FOXO1: variants seen among roughly 807,000 people sequenced by gnomAD.
FOXO1 encodes the protein forkhead box O1.
Under a neutral mutation model 44.1 loss-of-function variants are expected in FOXO1, and 6 were observed. The ratio of observed to expected loss-of-function variants is 0.14; its 90% CI spans 0.07 to 0.27. The LOEUF (loss-of-function observed/expected upper bound fraction) is 0.27, where lower values mean the gene tolerates loss of function less well. FOXO1 is among the 10% of genes least tolerant of loss of function. The pLI is 1.00. For synonymous variants in FOXO1, 380 were observed against 362.7 expected (o/e 1.05, Z -0.54); for missense variants, 737 against 888.8 (o/e 0.83, Z 2.17).
At chr13:40,631,591 T>C (rs1397981060) in intron 1 of FOXO1, among the ~76,000 whole-genome samples, 1 of 152,218 alleles carries the variant, frequency 6.6e-6, no homozygotes, top group Non-Finnish European at 1.5e-5. Flanking sequence ...CAAAATGTGA[T>C]ATATACATAG....
At chr13:40,649,137 C>T (rs1278476884) in intron 1 of FOXO1, among the ~76,000 whole-genome samples, 1 of 152,174 alleles carries the variant, frequency 6.6e-6, no homozygotes, top group African/African-American at 2.4e-5. Flanking sequence ...GCAAGCCACA[C>T]AGAAACAAGC....
chr13:40,611,744 C>A (rs1437944500), intron 1 of FOXO1, among the ~76,000 whole-genome samples: 1 of 152,204 alleles, frequency 6.6e-6, no homozygotes, highest in Non-Finnish European at 1.5e-5. Context: ...CCTCCCATCA[C>A]AGCTACAGTA....
intron 1 of FOXO1, among the ~76,000 whole-genome samples, chr13:40,574,349 G>C (rs761063991): frequency 6.6e-5 from 10 of 152,164 alleles, no homozygotes; most frequent in Non-Finnish European, 1.2e-4. Flanking sequence ...ATTACTGCGC[G>C]TGTGAATCTG....
intron 1 of FOXO1, among the ~76,000 whole-genome samples, chr13:40,597,054 C>A (rs772215629): frequency 5.9e-5 from 9 of 152,250 alleles, no homozygotes; most frequent in Non-Finnish European, 1.2e-4. Flanking sequence ...TCTCCCCAAG[C>A]ATGGTCTAAT....
chr13:40,578,745 G>A (rs775170488), intron 1 of FOXO1, among the ~76,000 whole-genome samples: 1 of 152,168 alleles, frequency 6.6e-6, no homozygotes, highest in Non-Finnish European at 1.5e-5. Flanking sequence ...AATTAAACAG[G>A]ATTCCTAACT....
At chr13:40,637,021 G>A (rs756367593) in intron 1 of FOXO1, among the ~76,000 whole-genome samples, 8 of 152,078 alleles carry the variant, frequency 5.3e-5, no homozygotes, top group Non-Finnish European at 1.0e-4. Context: ...TTACAAATGA[G>A]GAAACTGAGG....
At chr13:40,621,267 A>C in intron 1 of FOXO1, 1 of 801,994 alleles carries the variant, frequency 1.2e-6, no homozygotes, top group African/African-American at 1.8e-5. Flanking sequence ...TATTCATTGT[A>C]CTGACCGATG....
At chr13:40,584,469 C>CAA (rs55733141) in intron 1 of FOXO1, among the ~76,000 whole-genome samples, 1,316 of 62,930 alleles carry the variant, frequency 0.021, 177 homozygotes, top group Non-Finnish European at 0.028. Flanking sequence ...ACAAAAAATG[C>CAA]AAAAAAAAAA....
chr13:40,566,748 A>AT (rs1874284917), intron 1 of FOXO1, among the ~76,000 whole-genome samples: 2 of 152,210 alleles, frequency 1.3e-5, no homozygotes, highest in African/African-American at 4.8e-5. Context: ...TACACAATAT[A>AT]TTTAAAGTGT....
At chr13:40,564,987 ATGGTGTACT>A (rs1187125323) in intron 1 of FOXO1, among the ~76,000 whole-genome samples, 2 of 151,964 alleles carry the variant, frequency 1.3e-5, no homozygotes, top group Non-Finnish European at 2.9e-5. Context: ...GAACCCCGAC[ATGGTGTACT>A]TGCTTGTTCA....
intron 1 of FOXO1, among the ~76,000 whole-genome samples, chr13:40,660,791 A>C (rs79049186): frequency 6.6e-6 from 1 of 152,170 alleles, no homozygotes; most frequent in African/African-American, 2.4e-5. Flanking sequence ...CTTAAAAAAA[A>C]CTAGTCCATG....
At chr13:40,664,661 T>C (rs917331251) in intron 1 of FOXO1, among the ~76,000 whole-genome samples, 3 of 151,824 alleles carry the variant, frequency 2.0e-5, no homozygotes, top group Admixed American at 6.5e-5. Flanking sequence ...CAGGGCAGCC[T>C]CTGTGTTTCT....
At chr13:40,661,407 T>C (rs965440358) in intron 1 of FOXO1, among the ~76,000 whole-genome samples, 1 of 151,868 alleles carries the variant, frequency 6.6e-6, no homozygotes, top group Admixed American at 6.6e-5. Context: ...TCCCGAGTAG[T>C]TGGGATTATT....
chr13:40,571,026 T>C (rs2137837096), intron 1 of FOXO1, among the ~76,000 whole-genome samples: 1 of 152,320 alleles, frequency 6.6e-6, no homozygotes, highest in Non-Finnish European at 1.5e-5. Context: ...TATCTCACAC[T>C]GTCATACGCT....
At chr13:40,628,165 A>G (rs1258348854) in intron 1 of FOXO1, among the ~76,000 whole-genome samples, 1 of 152,148 alleles carries the variant, frequency 6.6e-6, no homozygotes, top group Non-Finnish European at 1.5e-5. Context: ...TACCACTTGA[A>G]AAAATTTCAA....
intron 1 of FOXO1, among the ~76,000 whole-genome samples, chr13:40,627,867 T>C (rs1427702840): frequency 6.6e-6 from 1 of 151,782 alleles, no homozygotes; most frequent in Non-Finnish European, 1.5e-5. Flanking sequence ...ACAGTAACTT[T>C]CCTGAATGTG....
chr13:40,618,789 C>T (rs2137899366), intron 1 of FOXO1: 1 of 517,848 alleles, frequency 1.9e-6, no homozygotes, highest in Middle Eastern at 4.7e-4. Context: ...AACCTTATCT[C>T]AAGACCGTAA....
chr13:40,638,255 C>A (rs1877225503), intron 1 of FOXO1, among the ~76,000 whole-genome samples: 1 of 152,024 alleles, frequency 6.6e-6, no homozygotes, highest in Non-Finnish European at 1.5e-5. Flanking sequence ...TAAAAGGATG[C>A]ACTAGAAAAA....
chr13:40,590,895 G>C (rs1252647369), intron 1 of FOXO1, among the ~76,000 whole-genome samples: 1 of 151,984 alleles, frequency 6.6e-6, no homozygotes, highest in Admixed American at 6.6e-5. Context: ...TACACTTTAC[G>C]AGCTGGCCAT....
Sources: gnomAD v4.1 joint callset for allele counts (sites outside exome capture counted in the v4.1 genomes callset) on GRCh38, gnomAD v4.1.1 for gene constraint, MANE v1.5 for transcripts, NCBI Gene and HGNC (gene_info 2026-07-23, HGNC 2026-07-21) for gene names.